Variants in TDRD10 observed in about 807,000 individuals in gnomAD.
TDRD10 encodes the protein tudor domain containing 10, also known as tudor domain-containing protein 10.
In TDRD10, 40 loss-of-function variants were observed where a neutral mutation model predicts 48.0. The ratio of observed to expected loss-of-function variants is 0.83; its 90% CI spans 0.65 to 1.09. TDRD10 has a LOEUF of 1.09. TDRD10 is among the 50% of genes least tolerant of loss of function. The pLI is 0.00. For synonymous variants in TDRD10, 162 were observed against 170.4 expected, an observed-to-expected ratio of 0.95 and a Z score of 0.38; for missense variants, 378 against 434.7, an observed-to-expected ratio of 0.87 and a Z score of 1.16.
chr1:154,515,419 C>G (rs1452674535), intron 4 of TDRD10, among the ~76,000 whole-genome samples: 1 of 152,178 alleles, frequency 6.6e-6, no homozygotes, highest in Non-Finnish European at 1.5e-5. Flanking sequence ...AGTGGCTTCC[C>G]TTCTTATTTA....
chr1:154,543,823 G>T (rs1355820128), intron 8 of TDRD10, 140 bp from the exon 9 acceptor site: 13 of 1,269,856 alleles, frequency 1.0e-5, no homozygotes, highest in Non-Finnish European at 1.4e-5. Context: ...CACCCTAGAG[G>T]GGGTGGGCAC....
At chr1:154,546,613 G>T (rs916502698) in intron 11 of TDRD10, among the ~76,000 whole-genome samples, 1 of 152,008 alleles carries the variant, frequency 6.6e-6, no homozygotes, top group Non-Finnish European at 1.5e-5. Context: ...GTTGTCTTGG[G>T]TCATTGCATG....
intron 6 of TDRD10, among the ~76,000 whole-genome samples, chr1:154,540,507 C>CAAAAAAAAAAAAAA (rs57375022): frequency 8.2e-5 from 9 of 109,116 alleles, no homozygotes; most frequent in African/African-American, 2.6e-4. Context: ...CCCATCTCTA[C>CAAAAAAAAAAAAAA]AAAAAAAAAA....
At chr1:154,531,367 G>A (rs941283263) in intron 6 of TDRD10, among the ~76,000 whole-genome samples, 2 of 152,110 alleles carry the variant, frequency 1.3e-5, no homozygotes, top group East Asian at 1.9e-4. Flanking sequence ...GGACCCTTGC[G>A]GTAAGTATTA....
At chr1:154,543,483 G>A (rs1263858243) in intron 8 of TDRD10, among the ~76,000 whole-genome samples, 4 of 152,136 alleles carry the variant, frequency 2.6e-5, no homozygotes, top group Admixed American at 6.5e-5. Flanking sequence ...CATTAGCCCC[G>A]TGTGGTTTAG....
chr1:154,506,286 G>A (rs949091029), intron 1 of TDRD10, among the ~76,000 whole-genome samples: 1 of 152,074 alleles, frequency 6.6e-6, no homozygotes, highest in Admixed American at 6.5e-5. Context: ...TCCATGGCTT[G>A]CGGCCCCTTC....
At position 154,543,954 on chromosome 1, in the gene TDRD10, T is replaced by G; in HGVS notation, c.504-9T>G. 1 of 1,612,754 alleles carries G rather than the reference T, an allele frequency of 6.2e-7. No individual in the cohort carries two copies. The highest frequency in any genetic ancestry group is 8.5e-7 in the Non-Finnish European group (1 of 1,179,230). ...GTTCCTTTCCTTGCTCCCCTTGCTCTTCCCGCAGAGGGTCCTTCCTGGTGC... is the reference window on the plus strand; with the variant it reads ...GTTCCTTTCCTTGCTCCCCTTGCTCGTCCCGCAGAGGGTCCTTCCTGGTGC... On this transcript the variant is annotated splice_polypyrimidine_tract_variant and intron_variant, in intron 8 of 12. Coordinates refer to ENST00000368482, the MANE Select transcript of TDRD10 (RefSeq NM_182499.4).
At chr1:154,528,809 C>T (rs12405637) in intron 6 of TDRD10, among the ~76,000 whole-genome samples, 27,839 of 100,586 alleles carry the variant, frequency 0.28, 2,908 homozygotes, top group South Asian at 0.34. Context: ...GAGTAAGACT[C>T]TGTCTCAAAA....
Position 154,502,294 on chromosome 1 carries a change from T to G in TDRD10, c.-763T>G. 2.1e-5 allele frequency: 4 copies of G among 191,728 alleles called. No individual in the cohort carries two copies. Among genetic ancestry groups the G allele is most frequent in the Non-Finnish European group, 4.2e-5 (4 of 94,578 alleles). 11.9% of individuals were successfully genotyped at this position (191,728 alleles called of 1,614,324 possible). On this transcript the variant is annotated 5_prime_UTR_variant, in exon 1 of 13. Transcript: ENST00000368482. ...GGCGCCGGGGGCTTCCCCCTGCTCT[T>G]TCCTCCTGCGGTGGGAGAGGCCAGG...
At chr1:154,513,176 C>A (rs545790935) in intron 4 of TDRD10, among the ~76,000 whole-genome samples, 1 of 152,098 alleles carries the variant, frequency 6.6e-6, no homozygotes, top group Admixed American at 6.6e-5. Context: ...TTGAGCATCA[C>A]GTACTACATT....
intron 11 of TDRD10, among the ~76,000 whole-genome samples, chr1:154,545,863 C>T (rs1695527654): frequency 6.7e-6 from 1 of 149,238 alleles, no homozygotes; most frequent in African/African-American, 2.5e-5. Flanking sequence ...CTCCGCCTCC[C>T]AAGTTCACAT....
rs776860377 is a variant in TDRD10, at chr1:154,544,111, G to A, written c.651+1G>A. The A allele has an allele frequency of 4.3e-6, 7 of 1,614,048 alleles. No homozygotes were observed. The highest frequency in any genetic ancestry group is 3.3e-5 in the Admixed American group (2 of 59,998). Reference sequence around the variant, plus strand: ...TTTCTGGGCTATGCACGTCACTGAGGTATGGACTGGTTGTTGGCCCCCTCA... The same window carrying A: ...TTTCTGGGCTATGCACGTCACTGAGATATGGACTGGTTGTTGGCCCCCTCA... On this transcript the variant is annotated splice_donor_variant, in intron 9 of 12. Coordinates refer to ENST00000368482, the MANE Select transcript of TDRD10 (RefSeq NM_182499.4). LOFTEE classifies it high-confidence loss of function.
intron 11 of TDRD10, among the ~76,000 whole-genome samples, chr1:154,546,359 AC>A (rs1695568547): frequency 6.8e-6 from 1 of 147,088 alleles, no homozygotes; most frequent in African/African-American, 2.5e-5. Context: ...GGTGCGAGCC[AC>A]CGCACCCGGC....
chr1:154,526,073 C>T (rs1483468578), intron 6 of TDRD10, among the ~76,000 whole-genome samples: 50 of 150,582 alleles, frequency 3.3e-4, no homozygotes, highest in Non-Finnish European at 6.9e-4. Context: ...GGCGTGGTGG[C>T]GTGCACCTGT....
intron 6 of TDRD10, among the ~76,000 whole-genome samples, chr1:154,539,096 G>T (rs545012333): frequency 3.0e-4 from 45 of 152,254 alleles, no homozygotes; most frequent in Non-Finnish European, 4.9e-4. Flanking sequence ...ACCAGGATTG[G>T]GGTCCAGACA....
chr1:154,533,902 T>TA (rs11386784), intron 6 of TDRD10, among the ~76,000 whole-genome samples: 46,827 of 145,526 alleles, frequency 0.32, 8,490 homozygotes, highest in Admixed American at 0.44. Flanking sequence ...TATTTTTTTT[T>TA]AATTTTCTAT....
intron 1 of TDRD10, among the ~76,000 whole-genome samples, chr1:154,505,874 T>C (rs1466924896): frequency 6.6e-6 from 1 of 152,234 alleles, no homozygotes; most frequent in Non-Finnish European, 1.5e-5. Flanking sequence ...TGGCAAATAC[T>C]TTAAGTGCGG....
At chr1:154,504,945 C>G (rs747937562) in intron 1 of TDRD10, among the ~76,000 whole-genome samples, 1 of 152,076 alleles carries the variant, frequency 6.6e-6, no homozygotes, top group Non-Finnish European at 1.5e-5. Context: ...CGAGATCGTA[C>G]CATTGCACTC....
chr1:154,504,316 A>T (rs1299433995), intron 1 of TDRD10, among the ~76,000 whole-genome samples: 2 of 152,262 alleles, frequency 1.3e-5, no homozygotes, highest in African/African-American at 2.4e-5. Context: ...ATTATAAGCA[A>T]CACTGCTATG....
Sources: gnomAD v4.1 joint callset for allele counts (sites outside exome capture counted in the v4.1 genomes callset) on GRCh38, gnomAD v4.1.1 for gene constraint, MANE v1.5 for transcripts, NCBI Gene and HGNC (gene_info 2026-07-23, HGNC 2026-07-21) for gene names.